Variants in CA2 observed in about 807,000 individuals in gnomAD.
CA2 encodes the protein carbonic anhydrase 2.
A neutral mutation model predicts 27.8 loss-of-function variants in CA2; 23 were observed. The observed-to-expected ratio is 0.83, with a 90% CI of 0.59 to 1.17. CA2 has a LOEUF of 1.17. Among genes scored for constraint, CA2 ranks in the 50% most tolerant of loss-of-function variants. CA2 has a pLI of 0.00. For synonymous variants in CA2, 99 were observed against 114.9 expected, an observed-to-expected ratio of 0.86 and a Z score of 0.88; for missense variants, 300 against 314.7, an observed-to-expected ratio of 0.95 and a Z score of 0.35.
chr8:85,466,887 T>C (rs1273764501), intron 2 of CA2, among the ~76,000 whole-genome samples: 2 of 152,128 alleles, frequency 1.3e-5, no homozygotes, highest in Admixed American at 6.5e-5. Flanking sequence ...GAATACTGTA[T>C]ATTTATAACA....
chr8:85,464,274 G>T lies in CA2; in HGVS notation c.34+159G>T, dbSNP rs1026017564. 27 of 558,618 alleles carry T rather than the reference G, an allele frequency of 4.8e-5. No homozygotes were observed. The Admixed American group carries it at 6.6e-4, about 14-fold the overall frequency. 34.6% of individuals were successfully genotyped at this position (558,618 alleles called of 1,614,324 possible). Reference sequence around the variant, plus strand: ...AGGCTCAGGTGCGCCCCGGGCGCTCGCTCCGCTCGCGGCTCCGCGGCGCCG... The same window carrying T: ...AGGCTCAGGTGCGCCCCGGGCGCTCTCTCCGCTCGCGGCTCCGCGGCGCCG... On this transcript the variant is annotated intron_variant, in intron 1 of 6. Transcript: ENST00000285379.
At chr8:85,474,510 C>T (rs978383042) in intron 4 of CA2, 94 bp downstream of exon 4, 1 of 955,976 alleles carries the variant, frequency 1.0e-6, no homozygotes, top group African/African-American at 1.6e-5. Flanking sequence ...TACAAAAGAG[C>T]TTAGGAAATG....
At position 85,480,705 on chromosome 8, in the gene CA2, G is replaced by T. The variant is rs1195139762; in HGVS notation, c.699G>T (p.Glu233Asp). 1.2e-6 allele frequency: 2 copies of T among 1,613,728 alleles called. No homozygotes were observed. Among genetic ancestry groups the T allele is most frequent in the Non-Finnish European group, 8.5e-7 (1 of 1,179,688 alleles). The change falls in exon 7 of 7, where the codon GAG becomes GAT. Residue 233 changes from glutamate to aspartate, a missense_variant. This residue lies in a region of CA2 where 173 missense variants were observed against 161.0 expected (regional missense o/e 1.07). Transcript: ENST00000285379. ...LKFRKLNFNGEGEPEELMVDN... is the reference protein window; with the variant it reads ...LKFRKLNFNGDGEPEELMVDN... ...TCCGTAAACTTAACTTCAATGGGGAGGGTGAACCCGAAGAACTGATGGTGG... is the reference window on the plus strand; with the variant it reads ...TCCGTAAACTTAACTTCAATGGGGATGGTGAACCCGAAGAACTGATGGTGG...
intron 2 of CA2, among the ~76,000 whole-genome samples, chr8:85,467,070 GTATC>G (rs1811641822): frequency 1.3e-5 from 2 of 152,180 alleles, no homozygotes; most frequent in Non-Finnish European, 2.9e-5. Flanking sequence ...GCCAAATTAT[GTATC>G]TCATTGGATG....
rs528889249 is a variant in CA2 at position 85,472,101 on chromosome 8, C to G, written c.233-1592C>G. Among the ~76,000 whole-genome samples, 30 of 152,268 alleles carry G rather than the reference C, an allele frequency of 2.0e-4. No individual in the cohort carries two copies. In the South Asian group the frequency reaches 5.6e-3, roughly 28 times the overall value. ...CTTAAATATCTTCAAAGCAGTCTTTCACTTTGAATAGATGAATGGATATTG... is the reference window on the plus strand; with the variant it reads ...CTTAAATATCTTCAAAGCAGTCTTTGACTTTGAATAGATGAATGGATATTG... On this transcript the variant is annotated intron_variant, in intron 2 of 6. Coordinates refer to ENST00000285379, the MANE Select transcript of CA2 (RefSeq NM_000067.3).
intron 2 of CA2, among the ~76,000 whole-genome samples, chr8:85,470,355 C>T (rs1406254031): frequency 1.3e-5 from 2 of 152,020 alleles, no homozygotes; most frequent in Non-Finnish European, 1.5e-5. Context: ...AAGATGGTAC[C>T]GAAAATGACA....
intron 1 of CA2, 80 bp downstream of exon 1, chr8:85,464,195 C>CCGGGGCCCG: frequency 7.5e-7 from 1 of 1,330,268 alleles, no homozygotes; most frequent in Non-Finnish European, 1.0e-6. Flanking sequence ...GGATGCCGGC[C>CCGGGGCCCG]CGGGGCCCGC....
intron 4 of CA2, among the ~76,000 whole-genome samples, chr8:85,475,320 A>G (rs1004107628): frequency 3.1e-5 from 4 of 130,226 alleles, no homozygotes; most frequent in African/African-American, 8.7e-5. Context: ...GCAGTGAGCT[A>G]TGATCATGCC....
chr8:85,473,879 A>C, intron 3 of CA2, 68 bp downstream of exon 3: 1 of 931,308 alleles, frequency 1.1e-6, no homozygotes, highest in Non-Finnish European at 1.8e-6. Flanking sequence ...CATTAATTTC[A>C]AAAGCTTAAT....
chr8:85,471,858 A>G (rs1345283820), intron 2 of CA2, among the ~76,000 whole-genome samples: 1 of 152,206 alleles, frequency 6.6e-6, no homozygotes, highest in Admixed American at 6.5e-5. Flanking sequence ...ATTTCCTTAT[A>G]GAATTGTCAG....
intron 4 of CA2, chr8:85,474,689 GTTTTC>G (rs1410145700): frequency 4.5e-6 from 2 of 448,946 alleles, no homozygotes; most frequent in Non-Finnish European, 8.2e-6. Context: ...GTGTTTGTTT[GTTTTC>G]TTTTCATTTA....
intron 4 of CA2, among the ~76,000 whole-genome samples, chr8:85,475,041 C>T (rs1202986979): frequency 6.6e-6 from 1 of 151,972 alleles, no homozygotes; most frequent in Non-Finnish European, 1.5e-5. Context: ...GGTGTGGTGG[C>T]TTAAGCCTGT....
chr8:85,474,683 T>G, intron 4 of CA2: 1 of 460,952 alleles, frequency 2.2e-6, no homozygotes, highest in Non-Finnish European at 4.0e-6. Context: ...TGCTAGGTGT[T>G]TGTTTGTTTT....
intron 1 of CA2, chr8:85,464,415 A>C (rs1419488962): frequency 2.6e-6 from 1 of 387,404 alleles, no homozygotes; most frequent in Non-Finnish European, 4.5e-6. Flanking sequence ...ACCCGAGGAC[A>C]GTCCCTCCCG....
rs1197475475 is a variant in CA2, at chr8:85,470,890, CAATG to C, written c.233-2799_233-2796del. Among the ~76,000 whole-genome samples the C allele has an allele frequency of 5.3e-5, 8 of 151,842 alleles. No homozygotes were observed. In the East Asian group the frequency reaches 1.4e-3, roughly 26 times the overall value. ...CCTCACAGAACCCATTTCTGGGGTA[CAATG>C]AATCATTGACTCTTTAAAGCACCAC... On this transcript the variant is annotated intron_variant, in intron 2 of 6. Coordinates refer to ENST00000285379, the MANE Select transcript of CA2 (RefSeq NM_000067.3).
rs530951216 is a variant in CA2, at chr8:85,480,955, A to G, written c.*166A>G. 7 of 697,040 alleles carry G rather than the reference A, an allele frequency of 1.0e-5. No homozygotes were observed. Among genetic ancestry groups the G allele is most frequent in the East Asian group, 2.8e-5 (1 of 35,302 alleles). 43.2% of individuals were successfully genotyped at this position (697,040 alleles called of 1,614,324 possible). On this transcript the variant is annotated 3_prime_UTR_variant, in exon 7 of 7. Coordinates refer to ENST00000285379, the MANE Select transcript of CA2 (RefSeq NM_000067.3). The stretch of plus-strand genomic sequence containing the variant: ...CTAATAAAATGTGAAGACTAGACCA[A>G]TTGTCATGCTTGACACAACTGCTGT...
At chr8:85,476,482 G>A (rs186240292) in intron 5 of CA2, among the ~76,000 whole-genome samples, 15 of 152,118 alleles carry the variant, frequency 9.9e-5, no homozygotes, top group Admixed American at 9.8e-4. Context: ...TCACTCACTG[G>A]CTTGAGCCCC....
At chr8:85,475,665 T>TGGGG in intron 4 of CA2, 133 bp from the exon 5 acceptor site, 1 of 768,416 alleles carries the variant, frequency 1.3e-6, no homozygotes, top group Non-Finnish European at 2.3e-6. Flanking sequence ...CCAGTACTGA[T>TGGGG]GGGGGTCATG....
intron 3 of CA2, 35 bp downstream of exon 3, chr8:85,473,846 A>C (rs1341392488): frequency 3.5e-6 from 4 of 1,157,272 alleles, no homozygotes; most frequent in Non-Finnish European, 5.2e-6. Context: ...TCCAGGGAAA[A>C]ATGTTTATAA....
Sources: gnomAD v4.1 joint callset for allele counts (sites outside exome capture counted in the v4.1 genomes callset) on GRCh38, gnomAD v4.1.1 for gene constraint, gnomAD v4.1.1 regional missense constraint, MANE v1.5 for transcripts, NCBI Gene and HGNC (gene_info 2026-07-23, HGNC 2026-07-21) for gene names.